TNFAIP8L3: variants seen among roughly 807,000 people sequenced by gnomAD.
TNFAIP8L3 encodes TNF alpha induced protein 8 like 3.
A neutral mutation model predicts 11.8 loss-of-function variants in TNFAIP8L3; 7 were observed. That is an observed-to-expected ratio of 0.59 (90% CI 0.34 to 1.11). TNFAIP8L3 has a LOEUF of 1.11. TNFAIP8L3 is among the 50% of genes most tolerant of loss of function. TNFAIP8L3 has a pLI of 0.03. For synonymous variants in TNFAIP8L3, 98 were observed against 103.8 expected (o/e 0.94, Z 0.34); for missense variants, 219 against 258.6 (o/e 0.85, Z 1.05).
chr15:51,096,649 T>G (rs2065515259), upstream of TNFAIP8L3, among the ~76,000 whole-genome samples: 1 of 152,016 alleles, frequency 6.6e-6, no homozygotes, highest in African/African-American at 2.4e-5. Context: ...CCCAGCACTT[T>G]GGGAAACTGA....
intron 1 of TNFAIP8L3, among the ~76,000 whole-genome samples, 164 bp from the exon 2 acceptor site, chr15:51,058,607 C>T (rs1433822455): frequency 6.6e-6 from 1 of 152,202 alleles, no homozygotes; most frequent in African/African-American, 2.4e-5. Context: ...CTGGTTCCCC[C>T]ACTTTCCTCT....
chr15:51,104,883 G>A, intron 1 of TNFAIP8L3: 1 of 1,144,056 alleles, frequency 8.7e-7, no homozygotes, highest in South Asian at 1.3e-5. Context: ...GAGATGGGCT[G>A]CCTGTGCTGG....
intron 1 of TNFAIP8L3, among the ~76,000 whole-genome samples, chr15:51,092,653 T>G (rs952827512): frequency 6.6e-6 from 1 of 152,208 alleles, no homozygotes. Flanking sequence ...CTGTTCTTCA[T>G]GGGGCCCATC....
Position 51,057,822 on chromosome 15 carries a change from C to T in TNFAIP8L3, c.*59G>A. 7.1e-7 allele frequency: 1 copy of T among 1,406,614 alleles called. No individual in the cohort carries two copies. The highest frequency in any genetic ancestry group is 1.4e-5 in the African/African-American group (1 of 69,460). The allele number at this position is 1,406,614 out of a possible 1,614,324, so 87.1% of individuals were successfully genotyped here. On this transcript the variant is annotated 3_prime_UTR_variant, in exon 2 of 2. Transcript: ENST00000637513. Reference sequence around the variant, plus strand: ...TCTGCTTATGTTCTTGATTCTCACCCAGATCATGGTTGAGTGCTGTAACTT... The same window carrying T: ...TCTGCTTATGTTCTTGATTCTCACCTAGATCATGGTTGAGTGCTGTAACTT...
chr15:51,066,786 A>G (rs949277546), intron 1 of TNFAIP8L3, among the ~76,000 whole-genome samples: 4 of 152,204 alleles, frequency 2.6e-5, no homozygotes, highest in African/African-American at 7.2e-5. Flanking sequence ...TGGGGGCAGG[A>G]CCATTAAGGA....
intron 1 of TNFAIP8L3, among the ~76,000 whole-genome samples, chr15:51,100,660 T>G (rs1386885482): frequency 6.6e-6 from 1 of 152,134 alleles, no homozygotes; most frequent in African/African-American, 2.4e-5. Context: ...GTGCCACATT[T>G]TAAGAAGACA....
At chr15:51,072,596 G>T (rs2065317480) in intron 1 of TNFAIP8L3, among the ~76,000 whole-genome samples, 1 of 152,134 alleles carries the variant, frequency 6.6e-6, no homozygotes, top group African/African-American at 2.4e-5. Context: ...TCACATTTAG[G>T]TCTTTAATCA....
chr15:51,095,283 G>A (rs1410383085), upstream of TNFAIP8L3, among the ~76,000 whole-genome samples: 1 of 149,892 alleles, frequency 6.7e-6, no homozygotes, highest in African/African-American at 2.5e-5. Flanking sequence ...AGGGAAGGGG[G>A]CGGGGTGGGG....
intron 1 of TNFAIP8L3, among the ~76,000 whole-genome samples, chr15:51,086,617 G>A (rs1458446423): frequency 1.3e-5 from 2 of 152,078 alleles, no homozygotes; most frequent in Admixed American, 6.5e-5. Flanking sequence ...GACAAGCTGT[G>A]CAACCCTGAG....
intron 1 of TNFAIP8L3, among the ~76,000 whole-genome samples, chr15:51,066,449 C>T (rs1299148998): frequency 6.6e-6 from 1 of 152,180 alleles, no homozygotes; most frequent in Non-Finnish European, 1.5e-5. Context: ...GGCATTGAGC[C>T]ACAGCGTCTG....
intron 1 of TNFAIP8L3, among the ~76,000 whole-genome samples, chr15:51,086,774 TAG>T (rs1319329541): frequency 2.6e-5 from 4 of 152,186 alleles, no homozygotes; most frequent in Non-Finnish European, 5.9e-5. Flanking sequence ...TTAATTAATA[TAG>T]GATAAATAAA....
At chr15:51,072,994 T>C (rs1329503688) in intron 1 of TNFAIP8L3, among the ~76,000 whole-genome samples, 1 of 146,864 alleles carries the variant, frequency 6.8e-6, no homozygotes, top group African/African-American at 2.5e-5. Context: ...GGGATCCTTT[T>C]TTTTTTTTTT....
intron 1 of TNFAIP8L3, among the ~76,000 whole-genome samples, chr15:51,076,590 G>T (rs2065351829): frequency 6.6e-6 from 1 of 152,216 alleles, no homozygotes. Context: ...AAGATGCTGA[G>T]AATGGCTGTC....
At chr15:51,060,993 A>G (rs56046825) in intron 1 of TNFAIP8L3, among the ~76,000 whole-genome samples, 2,613 of 152,270 alleles carry the variant, frequency 0.017, 95 homozygotes, top group African/African-American at 0.06. Context: ...AAAATTAGCC[A>G]GGCATGATGG....
chr15:51,082,134 G>A lies in TNFAIP8L3; in HGVS notation c.52+12410C>T, dbSNP rs574990751. On this transcript the variant is annotated intron_variant, in intron 1 of 1. Coordinates refer to ENST00000637513, the MANE Select transcript of TNFAIP8L3 (RefSeq NM_001311175.2). ...GTCATGAGTGACTTGATGGGGCTACGTTCTCAGAAATGCATTAGGGGATTT... is the reference window on the plus strand; with the variant it reads ...GTCATGAGTGACTTGATGGGGCTACATTCTCAGAAATGCATTAGGGGATTT... 5.3e-5 allele frequency among the ~76,000 whole-genome samples: 8 copies of A among 151,356 alleles called. No individual in the cohort carries two copies. In the South Asian group the frequency reaches 1.7e-3, roughly 32 times the overall value.
chr15:51,059,302 A>T lies in TNFAIP8L3; in HGVS notation c.53-859T>A, dbSNP rs138607847. On this transcript the variant is annotated intron_variant, in intron 1 of 1. Transcript: ENST00000637513. ...GAATGAATGAGAGCAATATATGTTT[A>T]AAAAAATCCACAATATTATATGCAA... Among the ~76,000 whole-genome samples the T allele has an allele frequency of 1.7e-3, 261 of 152,336 alleles. 1 individual carries two copies. Among genetic ancestry groups the T allele is most frequent in the African/African-American group, 4.7e-3 (196 of 41,586 alleles).
In TNFAIP8L3 at chr15:51,057,022, G is replaced by T. The variant is rs1483335483; in HGVS notation, c.*859C>A. The T allele has an allele frequency of 6.6e-6, 1 of 152,208 alleles. No homozygotes were observed. Among genetic ancestry groups the T allele is most frequent in the Non-Finnish European group, 1.5e-5 (1 of 68,090 alleles). The allele number at this position is 152,208 out of a possible 1,614,324, so 9.4% of individuals were successfully genotyped here. A position where few individuals can be genotyped will look rare whatever the true frequency, so the allele number is the denominator to read the frequency against. The stretch of plus-strand genomic sequence containing the variant: ...TCTCCCAGGTTCAAACAATTCTCCT[G>T]CCTCAGCCTCCTGAGTAGCTGGGAT... On this transcript the variant is annotated 3_prime_UTR_variant, in exon 2 of 2. Transcript: ENST00000637513.
chr15:51,064,701 G>A (rs2065259593), intron 1 of TNFAIP8L3: 1 of 152,212 alleles, frequency 6.6e-6, no homozygotes, highest in South Asian at 2.1e-4. Flanking sequence ...TGAGGGAGCA[G>A]TCCCATTTGC....
chr15:51,077,417 A>G (rs2065360312), intron 1 of TNFAIP8L3, among the ~76,000 whole-genome samples: 1 of 152,086 alleles, frequency 6.6e-6, no homozygotes, highest in African/African-American at 2.4e-5. Flanking sequence ...CTGTCTCCCC[A>G]GCCTCTCATC....
Sources: allele counts gnomAD v4.1 joint callset (sites outside exome capture counted in the v4.1 genomes callset), GRCh38; gene constraint gnomAD v4.1.1; transcripts MANE v1.5; gene names NCBI Gene and HGNC (gene_info 2026-07-23, HGNC 2026-07-21).